CDC123: variants seen among roughly 807,000 people sequenced by gnomAD.
CDC123 encodes the protein translation initiation factor eIF2 assembly protein.
Under a neutral mutation model 54.4 loss-of-function variants are expected in CDC123, and 37 were observed. The ratio of observed to expected loss-of-function variants is 0.68; its 90% CI spans 0.52 to 0.89. The LOEUF (loss-of-function observed/expected upper bound fraction) is 0.89. Ranked by LOEUF, CDC123 falls within the 40% of genes least tolerant of loss-of-function variation. The pLI, the probability that CDC123 is intolerant of heterozygous loss-of-function variation, is 0.00. For synonymous variants in CDC123, 144 were observed against 136.8 expected (o/e 1.05, Z -0.37); for missense variants, 361 against 412.1 (o/e 0.88, Z 1.07).
At chr10:12,240,763 C>T (rs974293495) in intron 10 of CDC123, among the ~76,000 whole-genome samples, 18 of 150,454 alleles carry the variant, frequency 1.2e-4, no homozygotes, top group Admixed American at 2.7e-4. Flanking sequence ...CAGCTACTCC[C>T]GGGAGCTGAG....
At chr10:12,217,825 G>A (rs1835681815) in intron 6 of CDC123, among the ~76,000 whole-genome samples, 1 of 152,150 alleles carries the variant, frequency 6.6e-6, no homozygotes, top group South Asian at 2.1e-4. Context: ...GGTGGCTCAC[G>A]CCTGGGATTC....
intron 10 of CDC123, among the ~76,000 whole-genome samples, chr10:12,239,709 TTA>T (rs770902858): frequency 0.049 from 1,102 of 22,368 alleles, 12 homozygotes; most frequent in Non-Finnish European, 0.077. Context: ...ACTCTGTTTT[TTA>T]AAAAAAAAAA....
At chr10:12,246,127 T>G (rs1336698075) in intron 10 of CDC123, 22 bp from the exon 11 acceptor site, 7 of 1,605,550 alleles carry the variant, frequency 4.4e-6, no homozygotes, top group Non-Finnish European at 6.0e-6. Context: ...TTGTTTTTGT[T>G]TTTTCTCTCT....
chr10:12,199,645 T>A (rs1835412631), intron 2 of CDC123, among the ~76,000 whole-genome samples: 1 of 152,136 alleles, frequency 6.6e-6, no homozygotes, highest in Non-Finnish European at 1.5e-5. Flanking sequence ...TATTTTTGCC[T>A]GTTGGGTTTT....
At position 12,220,805 on chromosome 10, in the gene CDC123, G is replaced by A. The variant is rs184318646; in HGVS notation, c.440+3338G>A. On this transcript the variant is annotated intron_variant, in intron 6 of 12. Coordinates refer to ENST00000281141, the MANE Select transcript of CDC123 (RefSeq NM_006023.3). ...ATCCTGGCTAACACGGTGAAACCCC[G>A]TCTCTACTGAAAATACAAAAAATTA... 3.4e-4 allele frequency among the ~76,000 whole-genome samples: 52 copies of A among 152,114 alleles called. 1 individual carries two copies. The East Asian group carries it at 8.9e-3, about 26-fold the overall frequency.
intron 4 of CDC123, among the ~76,000 whole-genome samples, chr10:12,214,186 G>T: frequency 6.6e-6 from 1 of 152,172 alleles, no homozygotes; most frequent in East Asian, 1.9e-4. Flanking sequence ...TAGATGTCAA[G>T]CTTTATGGGA....
At chr10:12,246,437 A>G (rs1385038069) in intron 11 of CDC123, 160 bp downstream of exon 11, 8 of 731,266 alleles carry the variant, frequency 1.1e-5, no homozygotes, top group Non-Finnish European at 1.7e-5. Flanking sequence ...GGTGGTGGTC[A>G]AAGAAGGGGG....
chr10:12,225,864 A>C (rs1177780134), intron 6 of CDC123, among the ~76,000 whole-genome samples: 1 of 147,048 alleles, frequency 6.8e-6, no homozygotes, highest in Non-Finnish European at 1.5e-5. Flanking sequence ...GCAGATAAAC[A>C]TGTGAACAAG....
chr10:12,249,585 C>T lies in CDC123; in HGVS notation c.851C>T (p.Ser284Phe), dbSNP rs201298802. 1.7e-4 allele frequency: 277 copies of T among 1,611,872 alleles called. 3 individuals carry two copies. In the East Asian group the frequency reaches 3.5e-3, roughly 20 times the overall value. ...TCCTTTTTCTTCTTTGTACAGGATTCCCCAGCTTTCCGTTGCACAAACAGT... is the reference window on the plus strand; with the variant it reads ...TCCTTTTTCTTCTTTGTACAGGATTTCCCAGCTTTCCGTTGCACAAACAGT... Reference protein sequence around the residue: ...FSEVDAQEQDSPAFRCTNSEV... With the variant: ...FSEVDAQEQDFPAFRCTNSEV... Residue 284 changes from serine to phenylalanine, a missense_variant, in exon 12 of 13, where the codon TCC becomes TTC. Physicochemically the swap from Ser to Phe is radical, Grantham distance 155. Transcript: ENST00000281141.
chr10:12,244,023 G>T (rs1836095115), intron 10 of CDC123, among the ~76,000 whole-genome samples: 1 of 152,148 alleles, frequency 6.6e-6, no homozygotes, highest in Non-Finnish European at 1.5e-5. Flanking sequence ...GCCTCTCCTG[G>T]GGCTTGTATA....
At chr10:12,233,426 C>T (rs896986691) in intron 7 of CDC123, among the ~76,000 whole-genome samples, 3 of 152,032 alleles carry the variant, frequency 2.0e-5, no homozygotes, top group Admixed American at 6.6e-5. Context: ...GGACAGAGTT[C>T]GGGAGAGACA....
chr10:12,231,064 T>A (rs2131753991), intron 7 of CDC123, 68 bp downstream of exon 7: 1 of 1,353,908 alleles, frequency 7.4e-7, no homozygotes, highest in Non-Finnish European at 1.0e-6. Flanking sequence ...TATTCTTAAG[T>A]GAAATGAAAT....
chr10:12,249,765 C>A, intron 12 of CDC123, 47 bp downstream of exon 12: 1 of 1,549,670 alleles, frequency 6.5e-7, no homozygotes, highest in African/African-American at 1.4e-5. Context: ...TTCAAATAGA[C>A]CTTCAAATTG....
chr10:12,226,755 G>A (rs2131749296), intron 6 of CDC123, among the ~76,000 whole-genome samples: 1 of 149,732 alleles, frequency 6.7e-6, no homozygotes, highest in South Asian at 2.1e-4. Context: ...GGGAAGAGGT[G>A]CTCCTCACTT....
At chr10:12,200,275 C>T (rs950672341) in intron 2 of CDC123, among the ~76,000 whole-genome samples, 40 of 151,564 alleles carry the variant, frequency 2.6e-4, no homozygotes, top group Middle Eastern at 3.2e-3. Context: ...AACAGGTGTG[C>T]GCCACCACAT....
chr10:12,226,317 C>A (rs1023488217), intron 6 of CDC123, among the ~76,000 whole-genome samples: 4 of 152,160 alleles, frequency 2.6e-5, no homozygotes, highest in African/African-American at 9.6e-5. Flanking sequence ...AGGCGCCCCC[C>A]ACCTCCCTCC....
At chr10:12,208,508 A>G (rs1166009112) in intron 2 of CDC123, among the ~76,000 whole-genome samples, 7 of 152,188 alleles carry the variant, frequency 4.6e-5, no homozygotes, top group South Asian at 2.1e-4. Context: ...CAAGGGTACA[A>G]TGGGCAGGTC....
chr10:12,230,843 T>C lies in CDC123; in HGVS notation c.441-105T>C, dbSNP rs1000126099. The C allele has an allele frequency of 6.7e-6, 7 of 1,045,088 alleles. No homozygotes were observed. The South Asian group carries it at 9.9e-5, about 15-fold the overall frequency. The allele number at this position is 1,045,088 out of a possible 1,614,324, so 64.7% of individuals were successfully genotyped here. A position where few individuals can be genotyped will look rare whatever the true frequency, so the allele number is the denominator to read the frequency against. On this transcript the variant is annotated intron_variant, in intron 6 of 12. Transcript: ENST00000281141. ...TTTGAGTTAGTCTCCTGTTTCTGGA[T>C]GCTTTTAGTAAAACGTTACTCTCAT...
Position 12,246,321 on chromosome 10 carries a change from TACTG to T in CDC123, c.846+53_846+56del, listed in dbSNP as rs1237236192. Reference sequence around the variant, plus strand: ...AGATACAATGTAAACCTTTCCAGTCTACTGACTGACTGCTTGTTCTTCAGACGCA... The same window carrying T: ...AGATACAATGTAAACCTTTCCAGTCTACTGACTGCTTGTTCTTCAGACGCA... On this transcript the variant is annotated intron_variant, in intron 11 of 12. Coordinates refer to ENST00000281141, the MANE Select transcript of CDC123 (RefSeq NM_006023.3). 3.1e-6 allele frequency: 5 copies of T among 1,604,148 alleles called. No individual in the cohort carries two copies. In the East Asian group the frequency reaches 6.7e-5, roughly 22 times the overall value.
Sources: allele counts gnomAD v4.1 joint callset (sites outside exome capture counted in the v4.1 genomes callset), GRCh38; gene constraint gnomAD v4.1.1; transcripts MANE v1.5; gene names NCBI Gene and HGNC (gene_info 2026-07-23, HGNC 2026-07-21).